The following TENM4 variants were observed in gnomAD, a reference collection of about 807,000 sequenced individuals.
The protein encoded by TENM4 is teneurin transmembrane protein 4.
TENM4 carries 82 observed loss-of-function variants against 243.3 expected under a neutral mutation model. That is an observed-to-expected ratio of 0.34 (90% confidence interval 0.28 to 0.40). The LOEUF is 0.40. Among genes scored for constraint, TENM4 ranks in the 10% least tolerant of loss-of-function variants. TENM4 has a pLI of 1.00. For synonymous variants in TENM4, 1,412 were observed against 1,456.3 expected, an observed-to-expected ratio of 0.97 and a Z score of 0.69; for missense variants, 3,138 against 3,673.3, an observed-to-expected ratio of 0.85 and a Z score of 3.77.
intron 32 of TENM4, among the ~76,000 whole-genome samples, chr11:78,664,475 T>A (rs1403630501): frequency 6.6e-6 from 1 of 152,190 alleles, no homozygotes; most frequent in Non-Finnish European, 1.5e-5. Context: ...TCTGCCTGTC[T>A]TGGCCTTCCA....
chr11:78,909,011 C>T (rs1856123948), intron 6 of TENM4, among the ~76,000 whole-genome samples: 1 of 152,204 alleles, frequency 6.6e-6, no homozygotes, highest in African/African-American at 2.4e-5. Flanking sequence ...TTAATTCTGT[C>T]TCCTACTGGC....
rs188463605 is a variant in TENM4 at position 79,359,702 on chromosome 11, A to G, written c.-320-62159T>C. Among the ~76,000 whole-genome samples, 86 of 152,288 alleles carry G rather than the reference A, an allele frequency of 5.6e-4. 1 individual carries two copies. The highest frequency in any genetic ancestry group is 1.1e-3 in the Non-Finnish European group (72 of 68,012). On this transcript the variant is annotated intron_variant, in intron 1 of 33. Transcript: ENST00000278550. ...ATGGGTAAAGAAAAGCAGGGCAGTT[A>G]CCTAGAGAGAAGGAAAACTGCAGAT...
At chr11:79,117,217 C>T (rs2137120803) in intron 4 of TENM4, among the ~76,000 whole-genome samples, 1 of 152,296 alleles carries the variant, frequency 6.6e-6, no homozygotes, top group South Asian at 2.1e-4. Flanking sequence ...ACACTGTGCC[C>T]ATGTGATTTT....
chr11:78,778,080 T>A (rs1856771362), intron 17 of TENM4, among the ~76,000 whole-genome samples: 1 of 152,188 alleles, frequency 6.6e-6, no homozygotes, highest in South Asian at 2.1e-4. Flanking sequence ...TTTGTCCCCT[T>A]GTCTCCAGAC....
At chr11:79,016,439 G>T (rs1858776797) in intron 6 of TENM4, among the ~76,000 whole-genome samples, 1 of 152,100 alleles carries the variant, frequency 6.6e-6, no homozygotes. Context: ...ACTGAGATGG[G>T]GAAGACTTTG....
chr11:79,164,476 A>G (rs1353797568), intron 3 of TENM4, among the ~76,000 whole-genome samples: 1 of 128,942 alleles, frequency 7.8e-6, no homozygotes, highest in African/African-American at 3.1e-5. Flanking sequence ...TAGTGTATAT[A>G]TATAGTGTAT....
chr11:79,089,795 G>T (rs1373334226), intron 4 of TENM4, among the ~76,000 whole-genome samples: 2 of 152,168 alleles, frequency 1.3e-5, no homozygotes, highest in African/African-American at 2.4e-5. Flanking sequence ...ACACACAGTG[G>T]TTCTCATTTG....
chr11:79,055,646 C>G (rs1435617389), intron 6 of TENM4, among the ~76,000 whole-genome samples: 1 of 152,192 alleles, frequency 6.6e-6, no homozygotes. Context: ...CATGCATGAT[C>G]ACCTTCCATC....
intron 1 of TENM4, among the ~76,000 whole-genome samples, chr11:79,417,189 C>T (rs1348338268): frequency 6.6e-6 from 1 of 152,188 alleles, no homozygotes; most frequent in Non-Finnish European, 1.5e-5. Context: ...AGGTGTGTTT[C>T]ATGCGTTGAC....
chr11:79,032,659 G>A (rs1859277111), intron 6 of TENM4, among the ~76,000 whole-genome samples: 1 of 152,176 alleles, frequency 6.6e-6, no homozygotes, highest in African/African-American at 2.4e-5. Flanking sequence ...GTGGGAGTCT[G>A]TGGCTCATTC....
chr11:78,672,239 T>A lies in TENM4; in HGVS notation c.5587A>T (p.Ile1863Phe), dbSNP rs1442046944. The A allele has an allele frequency of 1.2e-6, 2 of 1,613,922 alleles. No individual in the cohort carries two copies. Among genetic ancestry groups the A allele is most frequent in the African/African-American group, 2.7e-5 (2 of 74,928 alleles). The change falls in exon 31 of 34, where the codon ATT (isoleucine) becomes TTT (phenylalanine). Residue 1863 changes from isoleucine (I) to phenylalanine (F), a missense_variant. Transcript: ENST00000278550. ...YDDHRKFTLRILYDQAGRPSL... is the reference protein window; with the variant it reads ...YDDHRKFTLRFLYDQAGRPSL... The stretch of plus-strand genomic sequence containing the variant: ...GGCCGCCCCGCCTGGTCGTACAGAA[T>A]CCGAAGGGTGAACTTGCGGTGGTCA...
At chr11:79,162,030 G>A (rs1007689401) in intron 3 of TENM4, among the ~76,000 whole-genome samples, 2 of 152,204 alleles carry the variant, frequency 1.3e-5, no homozygotes, top group Non-Finnish European at 2.9e-5. Flanking sequence ...GCCTCACCCA[G>A]TACCCCCTGT....
Position 78,676,178 on chromosome 11 carries a change from C to A in TENM4, c.5470G>T (p.Val1824Phe), listed in dbSNP as rs1858467145. 1 of 1,537,154 alleles carries A rather than the reference C, an allele frequency of 6.5e-7. No individual in the cohort carries two copies. The highest frequency in any genetic ancestry group is 1.4e-5 in the African/African-American group (1 of 73,172). Residue 1824 changes from valine to phenylalanine, a missense_variant, in exon 30 of 34, where the codon GTC becomes TTC. This residue lies in a region of TENM4 where 2,467 missense variants were observed against 3,059.1 expected (regional missense o/e 0.81). Coordinates refer to ENST00000278550, the MANE Select transcript of TENM4 (RefSeq NM_001098816.3). ...CGCAGCCGGCGCCCAAAGACAGTGA[C>A]CTGGCCCCGAGCCTGCTCTTTGCGC... is the stretch of plus-strand genomic sequence containing the variant. ...RQRKEQARGQ[V>F]TVFGRRLRVH...
intron 9 of TENM4, among the ~76,000 whole-genome samples, chr11:78,875,184 G>A (rs1039508310): frequency 1.1e-4 from 17 of 152,164 alleles, no homozygotes; most frequent in African/African-American, 3.9e-4. Flanking sequence ...CAGGACAGAC[G>A]GATGGATGTT....
rs868156898 is a variant in TENM4 at position 79,139,622 on chromosome 11, T to G, written c.-66+9088A>C. On this transcript the variant is annotated intron_variant, in intron 4 of 33. Transcript: ENST00000278550. ...ATATAAAATATATATTATATTTATA[T>G]AAGTATATAAAATATATATTATATT... 1.4e-3 allele frequency among the ~76,000 whole-genome samples: 115 copies of G among 84,508 alleles called. 1 individual carries two copies. The highest frequency in any genetic ancestry group is 2.6e-3 in the South Asian group (7 of 2,688). 55.4% of individuals were successfully genotyped at this position (84,508 alleles called of 152,430 possible).
At chr11:79,330,748 C>T (rs932890055) in intron 1 of TENM4, among the ~76,000 whole-genome samples, 1 of 152,156 alleles carries the variant, frequency 6.6e-6, no homozygotes, top group African/African-American at 2.4e-5. Context: ...AAAGGAGGTT[C>T]GGAGCCATTA....
At chr11:79,380,997 G>C (rs1348653010) in intron 1 of TENM4, among the ~76,000 whole-genome samples, 3 of 152,144 alleles carry the variant, frequency 2.0e-5, no homozygotes, top group African/African-American at 7.2e-5. Context: ...GATTAGTGGA[G>C]ATAACTCACA....
At chr11:78,817,054 G>C (rs1191949814) in intron 12 of TENM4, among the ~76,000 whole-genome samples, 2 of 152,138 alleles carry the variant, frequency 1.3e-5, no homozygotes, top group Non-Finnish European at 2.9e-5. Context: ...AATTAATTAA[G>C]AGATCAAGGG....
intron 17 of TENM4, among the ~76,000 whole-genome samples, chr11:78,776,844 G>A (rs996743796): frequency 4.0e-5 from 6 of 151,822 alleles, no homozygotes; most frequent in African/African-American, 9.7e-5. Context: ...TGGAAGATGT[G>A]GTGTGGAGGA....
Sources: gnomAD v4.1 joint callset for allele counts (sites outside exome capture counted in the v4.1 genomes callset) on GRCh38, gnomAD v4.1.1 for gene constraint, gnomAD v4.1.1 regional missense constraint, MANE v1.5 for transcripts, NCBI Gene and HGNC (gene_info 2026-07-23, HGNC 2026-07-21) for gene names.